Variants in ZNF827 observed in about 807,000 individuals in gnomAD.
ZNF827 encodes the protein zinc finger protein 827.
ZNF827 carries 13 observed loss-of-function variants against 102.4 expected under a neutral mutation model. That is an observed-to-expected ratio of 0.13 (90% CI 0.08 to 0.20). The LOEUF (loss-of-function observed/expected upper bound fraction) is 0.20. Ranked by LOEUF, ZNF827 falls within the 10% of genes least tolerant of loss-of-function variation. The pLI, the probability that ZNF827 is intolerant of heterozygous loss-of-function variation, is 1.00. For missense variants in ZNF827, 1,103 were observed against 1,344.4 expected, an observed-to-expected ratio of 0.82 and a Z score of 2.81; for synonymous variants, 523 against 536.2, an observed-to-expected ratio of 0.98 and a Z score of 0.34.
At chr4:145,842,129 A>C (rs535071155) in intron 7 of ZNF827, among the ~76,000 whole-genome samples, 1 of 152,314 alleles carries the variant, frequency 6.6e-6, no homozygotes, top group South Asian at 2.1e-4. Flanking sequence ...TTTAAAAATG[A>C]GGTAGAGATC....
At chr4:145,795,368 G>A (rs888384589) in intron 8 of ZNF827, among the ~76,000 whole-genome samples, 8 of 152,106 alleles carry the variant, frequency 5.3e-5, no homozygotes, top group African/African-American at 1.4e-4. Flanking sequence ...GGCTGGTCTC[G>A]AACTCCTGCC....
At chr4:145,863,722 G>T (rs981486833) in intron 5 of ZNF827, among the ~76,000 whole-genome samples, 8 of 145,534 alleles carry the variant, frequency 5.5e-5, no homozygotes, top group African/African-American at 2.1e-4. Context: ...TGCCTGGGTG[G>T]GGGGTGGAGG....
intron 1 of ZNF827, among the ~76,000 whole-genome samples, chr4:145,934,084 G>C (rs1370773069): frequency 1.3e-5 from 2 of 152,108 alleles, no homozygotes; most frequent in African/African-American, 2.4e-5. Flanking sequence ...TTTTGTAAAA[G>C]AGCCATCAAC....
At chr4:145,924,606 C>T (rs987013877) in intron 1 of ZNF827, among the ~76,000 whole-genome samples, 1 of 152,180 alleles carries the variant, frequency 6.6e-6, no homozygotes, top group Non-Finnish European at 1.5e-5. Flanking sequence ...CCACCGCCAT[C>T]CACCTGAGTT....
chr4:145,903,221 G>A lies in ZNF827; in HGVS notation c.44-6C>T. The A allele has an allele frequency of 1.3e-6, 2 of 1,596,844 alleles. No homozygotes were observed. Among genetic ancestry groups the A allele is most frequent in the Non-Finnish European group, 1.7e-6 (2 of 1,168,982 alleles). On this transcript the variant is annotated splice_region_variant and splice_polypyrimidine_tract_variant and intron_variant, in intron 1 of 14. Transcript: ENST00000508784. ...CTCTTCCTGCCTACTAACATCTGGGGAGAATTAAGAAGATCAGGTTTACTC... is the reference window on the plus strand; with the variant it reads ...CTCTTCCTGCCTACTAACATCTGGGAAGAATTAAGAAGATCAGGTTTACTC...
intron 4 of ZNF827, among the ~76,000 whole-genome samples, chr4:145,877,596 C>T (rs184216744): frequency 1.7e-4 from 26 of 152,078 alleles, no homozygotes; most frequent in African/African-American, 6.3e-4. Flanking sequence ...AATCCTTGGC[C>T]ACCCTTCAGT....
intron 1 of ZNF827, among the ~76,000 whole-genome samples, chr4:145,922,270 T>C (rs146221354): frequency 0.014 from 2,130 of 152,332 alleles, 49 homozygotes; most frequent in African/African-American, 0.045. Flanking sequence ...TGGACCCCTA[T>C]GTGTCTCTGA....
chr4:145,876,791 T>C (rs935458643), intron 4 of ZNF827: 1 of 152,328 alleles, frequency 6.6e-6, no homozygotes, highest in African/African-American at 2.4e-5. Flanking sequence ...TTATAAGGAA[T>C]GAGGGCAGTT....
chr4:145,764,221 T>C (rs1039202604), intron 13 of ZNF827, among the ~76,000 whole-genome samples: 4 of 152,242 alleles, frequency 2.6e-5, no homozygotes, highest in African/African-American at 9.6e-5. Flanking sequence ...CTGCTTTCTC[T>C]TTACCAGACC....
chr4:145,801,421 C>A (rs1258404148), intron 8 of ZNF827, among the ~76,000 whole-genome samples: 2 of 152,210 alleles, frequency 1.3e-5, no homozygotes, highest in African/African-American at 4.8e-5. Flanking sequence ...CCCCATCAGA[C>A]AGCACTGAAT....
At chr4:145,773,428 T>C (rs1252448689) in intron 11 of ZNF827, among the ~76,000 whole-genome samples, 1 of 152,210 alleles carries the variant, frequency 6.6e-6, no homozygotes, top group Non-Finnish European at 1.5e-5. Flanking sequence ...GCTGTGTACA[T>C]CGTCAGCACA....
At chr4:145,848,680 G>C (rs929880652) in intron 6 of ZNF827, among the ~76,000 whole-genome samples, 8 of 152,340 alleles carry the variant, frequency 5.3e-5, no homozygotes, top group African/African-American at 1.9e-4. Flanking sequence ...CGGCTTGAAA[G>C]AGATGACAGA....
chr4:145,828,150 C>A (rs975739383), intron 7 of ZNF827, among the ~76,000 whole-genome samples: 1 of 152,156 alleles, frequency 6.6e-6, no homozygotes, highest in Admixed American at 6.5e-5. Context: ...TTACGACGTG[C>A]CCCGAAGCAT....
At chr4:145,800,527 G>A (rs149726958) in intron 8 of ZNF827, among the ~76,000 whole-genome samples, 17 of 152,104 alleles carry the variant, frequency 1.1e-4, no homozygotes, top group African/African-American at 3.9e-4. Context: ...CACCTGCCTC[G>A]GTCTCCCAAA....
intron 6 of ZNF827, among the ~76,000 whole-genome samples, chr4:145,848,069 C>G (rs548000906): frequency 6.6e-6 from 1 of 152,190 alleles, no homozygotes; most frequent in Admixed American, 6.5e-5. Context: ...CGACAGCATA[C>G]GGTTTAGAGA....
rs182620136 is a variant in ZNF827 at position 145,792,228 on chromosome 4, A to C, written c.2384-12717T>G. Reference sequence around the variant, plus strand: ...CAACCTCATTAGCTGCTGTGAACACAACGTTCCTGTTGAAGAATAGAATGG... The same window carrying C: ...CAACCTCATTAGCTGCTGTGAACACCACGTTCCTGTTGAAGAATAGAATGG... On this transcript the variant is annotated intron_variant, in intron 8 of 14. Transcript: ENST00000508784. Among the ~76,000 whole-genome samples the C allele has an allele frequency of 2.0e-3, 306 of 152,226 alleles. 1 individual carries two copies. Among genetic ancestry groups the C allele is most frequent in the African/African-American group, 7.0e-3 (290 of 41,542 alleles).
chr4:145,848,747 TG>T (rs1376750755), intron 6 of ZNF827, among the ~76,000 whole-genome samples: 1 of 152,234 alleles, frequency 6.6e-6, no homozygotes, highest in Non-Finnish European at 1.5e-5. Flanking sequence ...CTCACTGAGC[TG>T]GTAATTACTG....
At chr4:145,806,991 C>G (rs1247826563) in intron 8 of ZNF827, among the ~76,000 whole-genome samples, 1 of 152,204 alleles carries the variant, frequency 6.6e-6, no homozygotes, top group African/African-American at 2.4e-5. Context: ...AAACTTCAAT[C>G]ATTCCTTGAG....
chr4:145,933,848 G>C (rs988388232), intron 1 of ZNF827, among the ~76,000 whole-genome samples: 10 of 151,284 alleles, frequency 6.6e-5, no homozygotes, highest in African/African-American at 2.4e-4. Flanking sequence ...TCTTCAGTTT[G>C]TGATTCCAAA....
Sources: allele counts gnomAD v4.1 joint callset (sites outside exome capture counted in the v4.1 genomes callset), GRCh38; gene constraint gnomAD v4.1.1; transcripts MANE v1.5; gene names NCBI Gene and HGNC (gene_info 2026-07-23, HGNC 2026-07-21).